Variants in PLA2R1 observed in about 807,000 individuals in gnomAD.
The protein encoded by PLA2R1 is secretory phospholipase A2 receptor.
Under a neutral mutation model 195.9 loss-of-function variants are expected in PLA2R1, and 158 were observed. That is an observed-to-expected ratio of 0.81 (90% CI 0.71 to 0.92). PLA2R1 has a LOEUF of 0.92. PLA2R1 is among the 40% of genes least tolerant of loss of function. The pLI, the probability that PLA2R1 is intolerant of heterozygous loss-of-function variation, is 0.00. For missense variants in PLA2R1, 1,626 were observed against 1,764.6 expected, an observed-to-expected ratio of 0.92 and a Z score of 1.41; for synonymous variants, 586 against 598.2, an observed-to-expected ratio of 0.98 and a Z score of 0.30.
chr2:159,947,788 C>G (rs1156459343), intron 25 of PLA2R1, among the ~76,000 whole-genome samples: 1 of 152,154 alleles, frequency 6.6e-6, no homozygotes, highest in Non-Finnish European at 1.5e-5. Context: ...TGTTAAGGCA[C>G]AGCTTTGTAG....
At position 160,032,942 on chromosome 2, in the gene PLA2R1, G is replaced by A. The variant is rs371591986; in HGVS notation, c.841+17C>T. On this transcript the variant is annotated intron_variant, in intron 4 of 29. Transcript: ENST00000283243. ...TTTTATTGTATCAATATCAATGTGC[G>A]TCATCCACCTACTTACCCCTTATGA... The A allele has an allele frequency of 4.0e-5, 61 of 1,542,552 alleles. No individual in the cohort carries two copies. The highest frequency in any genetic ancestry group is 3.0e-5 in the Non-Finnish European group (34 of 1,119,678).
chr2:160,010,764 C>T (rs552079851), intron 10 of PLA2R1, among the ~76,000 whole-genome samples: 2 of 152,346 alleles, frequency 1.3e-5, no homozygotes, highest in African/African-American at 4.8e-5. Context: ...ACCCTTGTTT[C>T]TTCCCTGATG....
At chr2:159,974,250 G>A (rs1347847066) in intron 17 of PLA2R1, among the ~76,000 whole-genome samples, 11 of 152,156 alleles carry the variant, frequency 7.2e-5, no homozygotes, top group Non-Finnish European at 1.0e-4. Context: ...AGGCAGCACC[G>A]TGTAGGGTTT....
chr2:160,007,712 T>C (rs1692095015), intron 10 of PLA2R1, among the ~76,000 whole-genome samples: 1 of 152,184 alleles, frequency 6.6e-6, no homozygotes, highest in Non-Finnish European at 1.5e-5. Context: ...TACTGAAAAC[T>C]GCAAAATGGT....
At chr2:160,017,790 C>G (rs1280245942) in intron 8 of PLA2R1, among the ~76,000 whole-genome samples, 1 of 152,132 alleles carries the variant, frequency 6.6e-6, no homozygotes, top group Non-Finnish European at 1.5e-5. Flanking sequence ...TTTCACACAT[C>G]TAGAATTTTA....
downstream of PLA2R1, among the ~76,000 whole-genome samples, chr2:159,930,942 A>G (rs1686572377): frequency 6.6e-6 from 1 of 152,192 alleles, no homozygotes; most frequent in South Asian, 2.1e-4. Flanking sequence ...CTGGGGAGCT[A>G]TTCTCTTTCT....
chr2:159,953,961 G>A (rs1687925428), intron 23 of PLA2R1, among the ~76,000 whole-genome samples: 2 of 152,134 alleles, frequency 1.3e-5, no homozygotes. Context: ...AGCCTCCCTA[G>A]TAACTAGGAC....
At chr2:160,013,475 T>C in intron 9 of PLA2R1, 100 bp from the exon 10 acceptor site, 1 of 589,708 alleles carries the variant, frequency 1.7e-6, no homozygotes, top group Non-Finnish European at 2.9e-6. Context: ...AACTTTCTTC[T>C]CTTACTCCTT....
chr2:160,034,145 T>A (rs182940589), intron 3 of PLA2R1, among the ~76,000 whole-genome samples: 1 of 152,266 alleles, frequency 6.6e-6, no homozygotes, highest in Non-Finnish European at 1.5e-5. Context: ...TTTAGTGTAC[T>A]TCAAACTTAT....
At chr2:159,990,927 T>C (rs1849050) in intron 11 of PLA2R1, among the ~76,000 whole-genome samples, 4,808 of 151,920 alleles carry the variant, frequency 0.032, 86 homozygotes, top group East Asian at 0.052. Flanking sequence ...TTTCCCTATT[T>C]AACTTCAGAA....
chr2:159,964,651 A>T (rs1306260133), intron 20 of PLA2R1, among the ~76,000 whole-genome samples: 1 of 152,162 alleles, frequency 6.6e-6, no homozygotes, highest in Non-Finnish European at 1.5e-5. Flanking sequence ...AAAATATCTC[A>T]TGGTGCCACT....
intron 4 of PLA2R1, among the ~76,000 whole-genome samples, chr2:160,032,517 G>A (rs1383274850): frequency 3.3e-5 from 5 of 152,258 alleles, no homozygotes; most frequent in South Asian, 2.1e-4. Context: ...AAATTTTAAG[G>A]TTTTGTTTTT....
intron 1 of PLA2R1, 86 bp from the exon 2 acceptor site, chr2:160,045,243 C>CACTTA: frequency 7.9e-6 from 8 of 1,011,288 alleles, no homozygotes; most frequent in Non-Finnish European, 1.2e-5. Context: ...TATCTAAGTG[C>CACTTA]GATATGCGAC....
At chr2:159,947,353 A>G (rs996872864) in intron 26 of PLA2R1, 66 bp downstream of exon 26, 3 of 1,342,126 alleles carry the variant, frequency 2.2e-6, no homozygotes, top group African/African-American at 1.5e-5. Flanking sequence ...AAAGAAATCC[A>G]CATTGTTTAC....
At position 159,949,816 on chromosome 2, in the gene PLA2R1, G is replaced by T. The variant is rs141454889; in HGVS notation, c.3541-40C>A. The T allele has an allele frequency of 2.7e-4, 422 of 1,551,888 alleles. 3 individuals carry two copies. The African/African-American group carries it at 4.9e-3, about 18-fold the overall frequency. On this transcript the variant is annotated intron_variant, in intron 24 of 29. Coordinates refer to ENST00000283243, the MANE Select transcript of PLA2R1 (RefSeq NM_007366.5). ...TGAGCCATCATTTCCTTGCCACGAC[G>T]GCTGGCAGCATCACCCAGTGTTATC...
chr2:160,054,217 C>A (rs1357398333), intron 1 of PLA2R1, among the ~76,000 whole-genome samples: 1 of 152,102 alleles, frequency 6.6e-6, no homozygotes, highest in African/African-American at 2.4e-5. Context: ...TGGAGGACAG[C>A]TTGAGACCAG....
chr2:159,924,227 T>C, the PLA2R1 span, among the ~76,000 whole-genome samples: 2 of 152,348 alleles, frequency 1.3e-5, no homozygotes, highest in Non-Finnish European at 2.9e-5. Context: ...CTTTTAAGGA[T>C]ACATGTGATT....
At chr2:159,946,526 G>A (rs1486880798) in intron 27 of PLA2R1, 1 of 1,109,000 alleles carries the variant, frequency 9.0e-7, no homozygotes, top group African/African-American at 1.7e-5. Flanking sequence ...CTAAGTCTGT[G>A]AACACAAAGT....
Position 159,933,353 on chromosome 2 carries a change from TA to T in PLA2R1, c.*8424del, listed in dbSNP as rs1686667817. On this transcript the variant is annotated 3_prime_UTR_variant, in exon 30 of 30. Transcript: ENST00000283243. ...CAGAATTTCAGATTTAGGCACATTTTAAACTTTTTCTCTAAAAATATTCTGA... is the reference window on the plus strand; with the variant it reads ...CAGAATTTCAGATTTAGGCACATTTTAACTTTTTCTCTAAAAATATTCTGA... 2.6e-5 allele frequency: 4 copies of T among 152,322 alleles called. No individual in the cohort carries two copies. The South Asian group carries it at 8.3e-4, about 32-fold the overall frequency. The allele number at this position is 152,322 out of a possible 1,614,324, so 9.4% of individuals were successfully genotyped here. A position where few individuals can be genotyped will look rare whatever the true frequency, so the allele number is the denominator to read the frequency against.
Sources: allele counts gnomAD v4.1 joint callset (sites outside exome capture counted in the v4.1 genomes callset), GRCh38; gene constraint gnomAD v4.1.1; transcripts MANE v1.5; gene names NCBI Gene and HGNC (gene_info 2026-07-23, HGNC 2026-07-21).